ECE2: variants seen among roughly 807,000 people sequenced by gnomAD.
ECE2 encodes the protein endothelin-converting enzyme 2.
A neutral mutation model predicts 100.6 loss-of-function variants in ECE2; 81 were observed. That is an observed-to-expected ratio of 0.81 (90% CI 0.67 to 0.97). The LOEUF (loss-of-function observed/expected upper bound fraction) is 0.97. Among genes scored for constraint, ECE2 ranks in the 50% least tolerant of loss-of-function variants. The probability of loss-of-function intolerance (pLI) is 0.00; values close to 1 mark genes in which losing one functional copy is unlikely to be tolerated. For missense variants in ECE2, 911 were observed against 988.1 expected (o/e 0.92, Z 1.05); for synonymous variants, 391 against 391.5 (o/e 1.00, Z 0.02).
intron 9 of ECE2, 113 bp downstream of exon 9, chr3:184,285,218 C>A: frequency 2.1e-6 from 3 of 1,402,864 alleles, no homozygotes; most frequent in Non-Finnish European, 2.9e-6. Flanking sequence ...ATGGGCCTTC[C>A]AAACATTGAA....
At chr3:184,290,948 C>T (rs529834669) in intron 16 of ECE2, 88 bp downstream of exon 16, 3 of 1,597,296 alleles carry the variant, frequency 1.9e-6, no homozygotes, top group Non-Finnish European at 2.6e-6. Context: ...CCCAAGGGCC[C>T]TGAAGTCTGT....
At position 184,289,925 on chromosome 3, in the gene ECE2, A is replaced by T. The variant is rs891634757; in HGVS notation, c.1551+207A>T. Among the ~76,000 whole-genome samples, 2 of 152,186 alleles carry T rather than the reference A, an allele frequency of 1.3e-5. No individual in the cohort carries two copies. Among genetic ancestry groups the T allele is most frequent in the African/African-American group, 4.8e-5 (2 of 41,454 alleles). ...TGAAATATAGTGCTAACGAGCCAAG[A>T]TTTGGAGTCAAGCCTAATCAAATTC... On this transcript the variant is annotated intron_variant, in intron 13 of 18. Transcript: ENST00000404464. The surrounding 1 kb of genome is among the most constrained non-coding windows in gnomAD (Gnocchi z 4.1).
At position 184,292,216 on chromosome 3, in the gene ECE2, G is replaced by A. The variant is rs369721751; in HGVS notation, c.2276G>A (p.Gly759Glu). The A allele has an allele frequency of 1.9e-6, 3 of 1,613,984 alleles. No individual in the cohort carries two copies. The highest frequency in any genetic ancestry group is 2.7e-5 in the African/African-American group (2 of 74,926). The change falls in exon 19 of 19, where the codon GGG becomes GAG. Residue 759 changes from glycine to glutamate, a missense_variant. Coordinates refer to ENST00000404464, the MANE Select transcript of ECE2 (RefSeq NM_001100121.2). ...GCPVGSPMNP[G>E]QLCEVW is the part of the protein sequence containing the mutation. The stretch of plus-strand genomic sequence containing the variant: ...CCTGTCGGCTCCCCCATGAACCCAG[G>A]GCAGCTGTGTGAGGTGTGGTAGACC...
At position 184,276,121 on chromosome 3, in the gene ECE2, G is replaced by A. The variant is rs1720532394; in HGVS notation, c.-33G>A. The A allele has an allele frequency of 1.5e-6, 2 of 1,311,746 alleles. No homozygotes were observed. The highest frequency in any genetic ancestry group is 2.2e-5 in the South Asian group (1 of 44,760). The allele number at this position is 1,311,746 out of a possible 1,614,324, so 81.3% of individuals were successfully genotyped here. The stretch of plus-strand genomic sequence containing the variant: ...GGCCCGGGAGCGGGCCAGCTGCCGG[G>A]AGCCCTGAATCACCGCCTGGCCCGA... On this transcript the variant is annotated 5_prime_UTR_variant, in exon 1 of 19. Coordinates refer to ENST00000404464, the MANE Select transcript of ECE2 (RefSeq NM_001100121.2).
chr3:184,281,290 T>C (rs1393596137), intron 7 of ECE2, among the ~76,000 whole-genome samples: 2 of 152,196 alleles, frequency 1.3e-5, no homozygotes, highest in Non-Finnish European at 2.9e-5. Context: ...TTCCAGTTGT[T>C]GGGACTATTA....
In ECE2 at chr3:184,287,858, A is replaced by G; in HGVS notation, c.1285A>G (p.Thr429Ala). The change falls in exon 11 of 19, where the codon ACC (threonine) becomes GCC (alanine). Residue 429 changes from threonine (T) to alanine (A), a missense_variant. By Grantham distance (58) the Thr-to-Ala change is moderately conservative (BLOSUM62 0). Coordinates refer to ENST00000404464, the MANE Select transcript of ECE2 (RefSeq NM_001100121.2). ...ACAGTCCTGTGTGCCGAGGTGGCAGACCTGCATCTCCAACACGGATGACGC... is the reference window on the plus strand; with the variant it reads ...ACAGTCCTGTGTGCCGAGGTGGCAGGCCTGCATCTCCAACACGGATGACGC... ...TKKSCVPRWQ[T>A]CISNTDDALG... 2 of 1,614,138 alleles carry G rather than the reference A, an allele frequency of 1.2e-6. No individual in the cohort carries two copies. Among genetic ancestry groups the G allele is most frequent in the African/African-American group, 2.7e-5 (2 of 75,050 alleles).
chr3:184,285,737 A>C, intron 10 of ECE2, 145 bp downstream of exon 10: 1 of 634,686 alleles, frequency 1.6e-6, no homozygotes, highest in Non-Finnish European at 2.8e-6. Context: ...TTGCGTTTCA[A>C]TCCCAACTCA....
At chr3:184,279,495 A>C (rs1053039833) in intron 7 of ECE2, among the ~76,000 whole-genome samples, 6 of 151,816 alleles carry the variant, frequency 4.0e-5, no homozygotes, top group Non-Finnish European at 8.8e-5. Context: ...GTCTCTACTA[A>C]AAATACAAAA....
intron 1 of ECE2, 118 bp downstream of exon 1, chr3:184,276,310 C>T: frequency 1.5e-6 from 2 of 1,379,034 alleles, no homozygotes; most frequent in Admixed American, 2.6e-5. Flanking sequence ...GCCTCCCGGG[C>T]CTGGTGGAGG....
intron 7 of ECE2, 175 bp downstream of exon 7, chr3:184,278,732 C>G: frequency 1.5e-6 from 1 of 645,320 alleles, no homozygotes; most frequent in Admixed American, 3.0e-5. Flanking sequence ...CCCTTTCTTC[C>G]CCTTTTCCTT....
chr3:184,281,711 G>A (rs190200178), intron 7 of ECE2, among the ~76,000 whole-genome samples: 39 of 152,348 alleles, frequency 2.6e-4, no homozygotes, highest in Admixed American at 5.9e-4. Flanking sequence ...GAAAGACTTC[G>A]GTTTGGCTGT....
At position 184,289,103 on chromosome 3, in the gene ECE2, C is replaced by T. The variant is rs1019301728; in HGVS notation, c.1375-334C>T. On this transcript the variant is annotated intron_variant, in intron 11 of 18. Transcript: ENST00000404464. This position sits in a 1 kb window ranked among gnomAD's most constrained non-coding sequence, Gnocchi z 4.1. Reference sequence around the variant, plus strand: ...TCGGGAGGCGGAGGTTGCAGTGAGCCGAGATTGCGCCACTGCACTCCATCC... The same window carrying T: ...TCGGGAGGCGGAGGTTGCAGTGAGCTGAGATTGCGCCACTGCACTCCATCC... Among the ~76,000 whole-genome samples the T allele has an allele frequency of 2.0e-5, 3 of 150,578 alleles. No individual in the cohort carries two copies. Among genetic ancestry groups the T allele is most frequent in the Non-Finnish European group, 4.4e-5 (3 of 67,864 alleles).
Position 184,292,436 on chromosome 3 carries a change from C to T in ECE2, c.*198C>T. On this transcript the variant is annotated 3_prime_UTR_variant, in exon 19 of 19. Coordinates refer to ENST00000404464, the MANE Select transcript of ECE2 (RefSeq NM_001100121.2). ...GCTTTGGGGGTGCCCCTGCCTCCAG[C>T]AGAGCCCCCACCATTCACTGTGACA... 3.2e-6 allele frequency: 2 copies of T among 617,694 alleles called. No homozygotes were observed. The highest frequency in any genetic ancestry group is 2.8e-6 in the Non-Finnish European group (1 of 354,878). 38.3% of individuals were successfully genotyped at this position (617,694 alleles called of 1,614,324 possible).
chr3:184,290,167 G>T, intron 13 of ECE2, 88 bp from the exon 14 acceptor site: 1 of 1,048,904 alleles, frequency 9.5e-7, no homozygotes. Flanking sequence ...CTGAGGTTTG[G>T]AGAGATACTA....
rs78492142 is a variant in ECE2 at position 184,277,206 on chromosome 3, A to G, written c.263-45A>G. The G allele has an allele frequency of 1.0e-3, 1,665 of 1,611,396 alleles. 13 individuals are homozygous for G. In the African/African-American group the frequency reaches 0.019, roughly 18 times the overall value. ...TGCAGAGTTTGCCTCTTCCAGACAG[A>G]CAGACTGACAGTCTCCTACCCTCCG... On this transcript the variant is annotated intron_variant, in intron 3 of 18. Coordinates refer to ENST00000404464, the MANE Select transcript of ECE2 (RefSeq NM_001100121.2).
chr3:184,291,524 G>T lies in ECE2; in HGVS notation c.2121+85G>T, dbSNP rs1041927278. On this transcript the variant is annotated intron_variant, in intron 18 of 18. Transcript: ENST00000404464. The surrounding 1 kb of genome is among the most constrained non-coding windows in gnomAD (Gnocchi z 4.1). Reference sequence around the variant, plus strand: ...TCATTAGGAGAACTCTGGGGCACGTGTCAAACGGGCTGGTGAATGGGGCTG... The same window carrying T: ...TCATTAGGAGAACTCTGGGGCACGTTTCAAACGGGCTGGTGAATGGGGCTG... The T allele has an allele frequency of 1.6e-6, 2 of 1,277,354 alleles. No individual in the cohort carries two copies. The allele number at this position is 1,277,354 out of a possible 1,614,324, so 79.1% of individuals were successfully genotyped here.
Position 184,291,436 on chromosome 3 carries a change from C to A in ECE2, c.2118C>A (p.Ala706=). Residue 706 remains alanine, a synonymous_variant, in exon 18 of 19, where the codon GCC becomes GCA. Coordinates refer to ENST00000404464, the MANE Select transcript of ECE2 (RefSeq NM_001100121.2). The surrounding 1 kb of genome is among the most constrained non-coding windows in gnomAD (Gnocchi z 4.1). ...TNHQLFFVGF[A]QVWCSVRTPE... ...ACCAGCTCTTCTTCGTGGGATTTGC[C>A]CAGGTATCACCCTCTCGGAAGGCCT... 1 of 1,583,112 alleles carries A rather than the reference C, an allele frequency of 6.3e-7. No homozygotes were observed. Among genetic ancestry groups the A allele is most frequent in the South Asian group, 1.2e-5 (1 of 85,092 alleles).
rs2108417775 is a variant in ECE2 at position 184,277,918 on chromosome 3, C to T, written c.479-7C>T. On this transcript the variant is annotated splice_polypyrimidine_tract_variant and splice_region_variant and intron_variant, in intron 4 of 18. Coordinates refer to ENST00000404464, the MANE Select transcript of ECE2 (RefSeq NM_001100121.2). ...TTGCCACCTGGATCCTGTGTTCTGC[C>T]CCACAGAAAACACCACCTTCAACTC... 1.2e-6 allele frequency: 2 copies of T among 1,611,266 alleles called. No homozygotes were observed. Among genetic ancestry groups the T allele is most frequent in the Non-Finnish European group, 8.5e-7 (1 of 1,179,900 alleles).
At chr3:184,276,724 G>T (rs535617238) in intron 2 of ECE2, 157 bp downstream of exon 2, 8 of 1,542,056 alleles carry the variant, frequency 5.2e-6, no homozygotes, top group Admixed American at 2.0e-5. Context: ...ATGCTAAGCC[G>T]TGACGTTGCA....
Sources: allele counts gnomAD v4.1 joint callset (sites outside exome capture counted in the v4.1 genomes callset), GRCh38; gene constraint gnomAD v4.1.1; non-coding constraint Gnocchi (gnomAD v3.1); transcripts MANE v1.5; gene names NCBI Gene and HGNC (gene_info 2026-07-23, HGNC 2026-07-21).